The following ASB18 variants were observed in gnomAD, a reference collection of about 807,000 sequenced individuals.
ASB18 encodes ankyrin repeat and SOCS box containing 18, also known as ankyrin repeat and SOCS box protein 18.
Under a neutral mutation model 33.4 loss-of-function variants are expected in ASB18, and 33 were observed. The observed-to-expected ratio is 0.99, with a 90% confidence interval of 0.75 to 1.32. The LOEUF is 1.32. Ranked by LOEUF, ASB18 falls within the 40% of genes most tolerant of loss-of-function variation. The pLI, the probability that ASB18 is intolerant of heterozygous loss-of-function variation, is 0.00. For synonymous variants in ASB18, 295 were observed against 307.6 expected (o/e 0.96, Z 0.43); for missense variants, 694 against 655.5 (o/e 1.06, Z -0.64).
chr2:236,221,374 T>TC lies in ASB18; in HGVS notation c.597-6509dup, dbSNP rs1363045678. On this transcript the variant is annotated intron_variant, in intron 3 of 5. Coordinates refer to ENST00000409749, the MANE Select transcript of ASB18 (RefSeq NM_212556.4). The surrounding 1 kb of genome is among the most constrained non-coding windows in gnomAD (Gnocchi z 5.6). Reference sequence around the variant, plus strand: ...AAACATCTCATATGGTTTGGTTGTGTCCCCACCCAAATCTCACCTTGAGTT... The same window carrying TC: ...AAACATCTCATATGGTTTGGTTGTGTCCCCCACCCAAATCTCACCTTGAGTT... 6.6e-6 allele frequency among the ~76,000 whole-genome samples: 1 copy of TC among 152,188 alleles called. No homozygotes were observed. Among genetic ancestry groups the TC allele is most frequent in the African/African-American group, 2.4e-5 (1 of 41,462 alleles).
In ASB18 at chr2:236,264,352, G is replaced by T. The variant is rs771212696; in HGVS notation, c.-7C>A. 2 of 1,613,092 alleles carry T rather than the reference G, an allele frequency of 1.2e-6. No individual in the cohort carries two copies. The highest frequency in any genetic ancestry group is 1.7e-5 in the Admixed American group (1 of 59,988). On this transcript the variant is annotated 5_prime_UTR_variant, in exon 1 of 6. Coordinates refer to ENST00000409749, the MANE Select transcript of ASB18 (RefSeq NM_212556.4). The surrounding 1 kb of genome is among the most constrained non-coding windows in gnomAD (Gnocchi z 5.1). ...GGTAATCCGAGTTGGACATTGTTAC[G>T]TCGTTTCTGCAGTGACCAGCCCTTC...
rs974423803 is a variant in ASB18, at chr2:236,237,818, A to G, written c.467T>C (p.Leu156Pro). 2 of 1,376,698 alleles carry G rather than the reference A, an allele frequency of 1.5e-6. No homozygotes were observed. Among genetic ancestry groups the G allele is most frequent in the Admixed American group, 3.7e-5 (1 of 26,738 alleles). The allele number at this position is 1,376,698 out of a possible 1,614,324, so 85.3% of individuals were successfully genotyped here. A position where few individuals can be genotyped will look rare whatever the true frequency, so the allele number is the denominator to read the frequency against. The change falls in exon 3 of 6, where the codon CTG (leucine) becomes CCG (proline). Residue 156 changes from leucine (L) to proline (P), a missense_variant. Physicochemically the swap from Leu to Pro is moderately conservative, Grantham distance 98 (BLOSUM62 -3). Coordinates refer to ENST00000409749, the MANE Select transcript of ASB18 (RefSeq NM_212556.4). This position sits in a 1 kb window ranked among gnomAD's most constrained non-coding sequence, Gnocchi z 6.2. Reference sequence around the variant, plus strand: ...GTGGCCCCCGAGGCAGGCCTCGTGCAGGGCGCCGCGGCCGCCGGGGCTGGC... The same window carrying G: ...GTGGCCCCCGAGGCAGGCCTCGTGCGGGGCGCCGCGGCCGCCGGGGCTGGC... ...PDASPGGRGA[L>P]HEACLGGHTA...
rs1278679128 is a variant in ASB18 at position 236,211,393 on chromosome 2, C to T, written c.1101+2969G>A. Among the ~76,000 whole-genome samples the T allele has an allele frequency of 6.6e-6, 1 of 152,254 alleles. No homozygotes were observed. Among genetic ancestry groups the T allele is most frequent in the Non-Finnish European group, 1.5e-5 (1 of 68,046 alleles). On this transcript the variant is annotated intron_variant, in intron 4 of 5. Transcript: ENST00000409749. This position sits in a 1 kb window ranked among gnomAD's most constrained non-coding sequence, Gnocchi z 5.0. ...TTCTCACTGCAGAGCACTGCGCCGGCTCGGAAGGATGCCCTGTGTCCGCCT... is the reference window on the plus strand; with the variant it reads ...TTCTCACTGCAGAGCACTGCGCCGGTTCGGAAGGATGCCCTGTGTCCGCCT...
At position 236,252,958 on chromosome 2, in the gene ASB18, C is replaced by T. The variant is rs1376898546; in HGVS notation, c.205+11183G>A. On this transcript the variant is annotated intron_variant, in intron 1 of 5. Coordinates refer to ENST00000409749, the MANE Select transcript of ASB18 (RefSeq NM_212556.4). The surrounding 1 kb of genome is among the most constrained non-coding windows in gnomAD (Gnocchi z 7.9). ...GGATCCAGGTGCAGCTAGAGCTGTC[C>T]TGCCATTTTGGCCCCATGCAGGGAA... is the stretch of plus-strand genomic sequence containing the variant. Among the ~76,000 whole-genome samples, 1 of 152,220 alleles carries T rather than the reference C, an allele frequency of 6.6e-6. No individual in the cohort carries two copies. Among genetic ancestry groups the T allele is most frequent in the Non-Finnish European group, 1.5e-5 (1 of 68,038 alleles).
At position 236,263,464 on chromosome 2, in the gene ASB18, G is replaced by C. The variant is rs2060729395; in HGVS notation, c.205+677C>G. ...CATTACCAGTGATGCTCCTTGGTGA[G>C]GTTGTGGTGAAACACATCACCTCAC... On this transcript the variant is annotated intron_variant, in intron 1 of 5. Transcript: ENST00000409749. The surrounding 1 kb of genome is among the most constrained non-coding windows in gnomAD (Gnocchi z 4.0). Among the ~76,000 whole-genome samples the C allele has an allele frequency of 6.6e-6, 1 of 152,198 alleles. No individual in the cohort carries two copies. Among genetic ancestry groups the C allele is most frequent in the Admixed American group, 6.5e-5 (1 of 15,284 alleles).
intron 4 of ASB18, among the ~76,000 whole-genome samples, chr2:236,210,044 C>T (rs1219104358): frequency 1.3e-5 from 2 of 152,198 alleles, no homozygotes; most frequent in South Asian, 4.1e-4. Flanking sequence ...TCTGTGCTTT[C>T]AAGGTGAAGT....
intron 1 of ASB18, among the ~76,000 whole-genome samples, chr2:236,258,912 T>C (rs1159723843): frequency 6.6e-6 from 1 of 152,216 alleles, no homozygotes; most frequent in African/African-American, 2.4e-5. Context: ...CATCTTGACT[T>C]GTATATAATA....
rs1250342729 is a variant in ASB18 at position 236,211,848 on chromosome 2, C to T, written c.1101+2514G>A. Among the ~76,000 whole-genome samples, 1 of 152,190 alleles carries T rather than the reference C, an allele frequency of 6.6e-6. No homozygotes were observed. Among genetic ancestry groups the T allele is most frequent in the Non-Finnish European group, 1.5e-5 (1 of 68,040 alleles). On this transcript the variant is annotated intron_variant, in intron 4 of 5. Coordinates refer to ENST00000409749, the MANE Select transcript of ASB18 (RefSeq NM_212556.4). The surrounding 1 kb of genome is among the most constrained non-coding windows in gnomAD (Gnocchi z 5.0). ...GCATGGTGAATGCATCCTCATCCAC[C>T]ATCCTCTCCTGGCCAGGTGTAGGGG...
At chr2:236,202,595 T>C (rs1052853470) in intron 4 of ASB18, among the ~76,000 whole-genome samples, 5 of 150,936 alleles carry the variant, frequency 3.3e-5, no homozygotes, top group Non-Finnish European at 7.4e-5. Context: ...CTGAGGCGGG[T>C]AGATCACGAG....
intron 3 of ASB18, among the ~76,000 whole-genome samples, chr2:236,227,513 G>C (rs953462291): frequency 6.6e-6 from 1 of 152,142 alleles, no homozygotes; most frequent in African/African-American, 2.4e-5. Flanking sequence ...TATTTTACAA[G>C]TGAGAACACA....
At position 236,196,457 on chromosome 2, in the gene ASB18, G is replaced by T. The variant is rs1559325372; in HGVS notation, c.1102-72C>A. 1.2e-6 allele frequency: 1 copy of T among 816,490 alleles called. No individual in the cohort carries two copies. The highest frequency in any genetic ancestry group is 2.1e-6 in the Non-Finnish European group (1 of 484,330). 50.6% of individuals were successfully genotyped at this position (816,490 alleles called of 1,614,324 possible). A position where few individuals can be genotyped will look rare whatever the true frequency, so the allele number is the denominator to read the frequency against. The stretch of plus-strand genomic sequence containing the variant: ...GGTCTCAGTGGGGAAAGGGTGGGGG[G>T]TGTGGGGGGATGCTCTCCCTAGCTG... On this transcript the variant is annotated intron_variant, in intron 4 of 5. Transcript: ENST00000409749. This position sits in a 1 kb window ranked among gnomAD's most constrained non-coding sequence, Gnocchi z 5.6.
In ASB18 at chr2:236,263,117, C is replaced by A. The variant is rs1369333973; in HGVS notation, c.205+1024G>T. Among the ~76,000 whole-genome samples the A allele has an allele frequency of 1.3e-5, 2 of 152,350 alleles. No individual in the cohort carries two copies. The highest frequency in any genetic ancestry group is 2.9e-5 in the Non-Finnish European group (2 of 68,040). ...AGCATCCCTTAGAGGCCAAGACTAA[C>A]CTTGTCCCCTAATCTGACAAGCTGG... is the stretch of plus-strand genomic sequence containing the variant. On this transcript the variant is annotated intron_variant, in intron 1 of 5. Coordinates refer to ENST00000409749, the MANE Select transcript of ASB18 (RefSeq NM_212556.4). This position sits in a 1 kb window ranked among gnomAD's most constrained non-coding sequence, Gnocchi z 4.0.
rs962115412 is a variant in ASB18, at chr2:236,193,914, C to T, written c.*958G>A. On this transcript the variant is annotated 3_prime_UTR_variant, in exon 6 of 6. Coordinates refer to ENST00000409749, the MANE Select transcript of ASB18 (RefSeq NM_212556.4). This position sits in a 1 kb window ranked among gnomAD's most constrained non-coding sequence, Gnocchi z 5.0. ...AGGTGAGCTGTCGTGTCTGAATTGTCCCAGTGTTGTGTGTGGGTGGGTGGG... is the reference window on the plus strand; with the variant it reads ...AGGTGAGCTGTCGTGTCTGAATTGTTCCAGTGTTGTGTGTGGGTGGGTGGG... Among the ~76,000 whole-genome samples the T allele has an allele frequency of 1.3e-5, 2 of 152,154 alleles. No individual in the cohort carries two copies. Among genetic ancestry groups the T allele is most frequent in the Admixed American group, 1.3e-4 (2 of 15,280 alleles).
Position 236,259,775 on chromosome 2 carries a change from G to T in ASB18, c.205+4366C>A, listed in dbSNP as rs1231542637. 6.6e-6 allele frequency among the ~76,000 whole-genome samples: 1 copy of T among 152,234 alleles called. No homozygotes were observed. The highest frequency in any genetic ancestry group is 1.5e-5 in the Non-Finnish European group (1 of 68,044). On this transcript the variant is annotated intron_variant, in intron 1 of 5. Transcript: ENST00000409749. The surrounding 1 kb of genome is among the most constrained non-coding windows in gnomAD (Gnocchi z 4.4). The stretch of plus-strand genomic sequence containing the variant: ...GCACAGGCCAGTTGCCTGTTTAAGA[G>T]AATTCTGACTGATGGCCATTCTCCT...
At position 236,255,109 on chromosome 2, in the gene ASB18, G is replaced by A. The variant is rs2060686206; in HGVS notation, c.205+9032C>T. ...CGCTTCCTGTACAGCCTGCAGAACCGTGAGCCAATTAAACCTCTGGTATTT... is the reference window on the plus strand; with the variant it reads ...CGCTTCCTGTACAGCCTGCAGAACCATGAGCCAATTAAACCTCTGGTATTT... On this transcript the variant is annotated intron_variant, in intron 1 of 5. Coordinates refer to ENST00000409749, the MANE Select transcript of ASB18 (RefSeq NM_212556.4). This position sits in a 1 kb window ranked among gnomAD's most constrained non-coding sequence, Gnocchi z 4.4. 6.6e-6 allele frequency among the ~76,000 whole-genome samples: 1 copy of A among 152,110 alleles called. No homozygotes were observed. Among genetic ancestry groups the A allele is most frequent in the Non-Finnish European group, 1.5e-5 (1 of 68,026 alleles).
chr2:236,210,134 C>A (rs1283745015), intron 4 of ASB18, among the ~76,000 whole-genome samples: 1 of 152,208 alleles, frequency 6.6e-6, no homozygotes, highest in African/African-American at 2.4e-5. Context: ...TGACAGGCAG[C>A]TCCACCAGGG....
rs2060458384 is a variant in ASB18, at chr2:236,211,493, C to A, written c.1101+2869G>T. Among the ~76,000 whole-genome samples, 1 of 152,246 alleles carries A rather than the reference C, an allele frequency of 6.6e-6. No homozygotes were observed. Among genetic ancestry groups the A allele is most frequent in the Admixed American group, 6.5e-5 (1 of 15,278 alleles). On this transcript the variant is annotated intron_variant, in intron 4 of 5. Transcript: ENST00000409749. This position sits in a 1 kb window ranked among gnomAD's most constrained non-coding sequence, Gnocchi z 5.0. ...CATAAGCTCGCTGTGAAACCTTTTG[C>A]CTCGGTAATTCTGCGCTCCATGGGT...
Position 236,231,726 on chromosome 2 carries a change from C to T in ASB18, c.596+5963G>A, listed in dbSNP as rs571264912. Among the ~76,000 whole-genome samples, 5 of 152,338 alleles carry T rather than the reference C, an allele frequency of 3.3e-5. No individual in the cohort carries two copies. The South Asian group carries it at 1.0e-3, about 32-fold the overall frequency. ...GTGCTGGGATTACTGGTGTGATCCACTGCACCTGGCCTAGACCAAAGAATA... is the reference window on the plus strand; with the variant it reads ...GTGCTGGGATTACTGGTGTGATCCATTGCACCTGGCCTAGACCAAAGAATA... On this transcript the variant is annotated intron_variant, in intron 3 of 5. Transcript: ENST00000409749. This position sits in a 1 kb window ranked among gnomAD's most constrained non-coding sequence, Gnocchi z 5.5.
rs368878895 is a variant in ASB18 at position 236,263,228 on chromosome 2, G to A, written c.205+913C>T. Among the ~76,000 whole-genome samples, 2 of 152,198 alleles carry A rather than the reference G, an allele frequency of 1.3e-5. No homozygotes were observed. The highest frequency in any genetic ancestry group is 2.9e-5 in the Non-Finnish European group (2 of 68,040). Reference sequence around the variant, plus strand: ...AACAAAGGGATGATGTCTATGTTACGTGAAGAAGTCCTACAAAATGATAAA... The same window carrying A: ...AACAAAGGGATGATGTCTATGTTACATGAAGAAGTCCTACAAAATGATAAA... On this transcript the variant is annotated intron_variant, in intron 1 of 5. Transcript: ENST00000409749. This position sits in a 1 kb window ranked among gnomAD's most constrained non-coding sequence, Gnocchi z 4.0.
Sources: gnomAD v4.1 joint callset for allele counts (sites outside exome capture counted in the v4.1 genomes callset) on GRCh38, gnomAD v4.1.1 for gene constraint, Gnocchi (gnomAD v3.1) non-coding constraint, MANE v1.5 for transcripts, NCBI Gene and HGNC (gene_info 2026-07-23, HGNC 2026-07-21) for gene names.